Variants in ADAMTSL1 observed in about 807,000 individuals in gnomAD.
ADAMTSL1 encodes the protein ADAMTS like 1.
A neutral mutation model predicts 201.8 loss-of-function variants in ADAMTSL1; 126 were observed. The ratio of observed to expected loss-of-function variants is 0.62; its 90% CI spans 0.54 to 0.72. ADAMTSL1 has a LOEUF of 0.72. ADAMTSL1 is among the 30% of genes least tolerant of loss of function. The pLI, the probability that ADAMTSL1 is intolerant of heterozygous loss-of-function variation, is 0.00. For missense variants in ADAMTSL1, 2,679 were observed against 2,277.8 expected (o/e 1.18, Z -3.59); for synonymous variants, 1,121 against 903.4 (o/e 1.24, Z -4.32).
intron 1 of ADAMTSL1, among the ~76,000 whole-genome samples, chr9:18,047,301 C>G (rs988433138): frequency 1.3e-5 from 2 of 151,814 alleles, no homozygotes; most frequent in African/African-American, 4.8e-5. Flanking sequence ...ATTTTGCCAC[C>G]CCAGGGAACA....
intron 1 of ADAMTSL1, among the ~76,000 whole-genome samples, chr9:18,092,511 C>T (rs1356436219): frequency 1.3e-5 from 2 of 152,200 alleles, no homozygotes; most frequent in African/African-American, 2.4e-5. Context: ...GTCCATACCA[C>T]TATTTCTTTT....
chr9:18,177,832 G>A (rs553609269), intron 2 of ADAMTSL1, among the ~76,000 whole-genome samples: 8 of 152,278 alleles, frequency 5.3e-5, no homozygotes, highest in Admixed American at 2.6e-4. Flanking sequence ...GCTAGCTTAA[G>A]GAAGAAGGGA....
chr9:18,088,543 T>A (rs1823866026), intron 1 of ADAMTSL1, among the ~76,000 whole-genome samples: 1 of 152,122 alleles, frequency 6.6e-6, no homozygotes, highest in African/African-American at 2.4e-5. Context: ...AAAAGCCTAA[T>A]AACCCAATTA....
intron 2 of ADAMTSL1, among the ~76,000 whole-genome samples, chr9:18,383,817 T>C (rs536091449): frequency 3.5e-4 from 54 of 152,164 alleles, no homozygotes; most frequent in Non-Finnish European, 6.8e-4. Context: ...AATGTTACAT[T>C]CCTCTACTTT....
At chr9:18,582,434 C>T (rs1823158646) in intron 4 of ADAMTSL1, among the ~76,000 whole-genome samples, 1 of 152,166 alleles carries the variant, frequency 6.6e-6, no homozygotes, top group Non-Finnish European at 1.5e-5. Flanking sequence ...ACTGGAACTC[C>T]TGCAATTCCC....
At chr9:18,236,100 A>T (rs1830836986) in intron 2 of ADAMTSL1, among the ~76,000 whole-genome samples, 1 of 152,082 alleles carries the variant, frequency 6.6e-6, no homozygotes, top group Non-Finnish European at 1.5e-5. Context: ...CAGTACCCTC[A>T]CCCAAAATCT....
intron 3 of ADAMTSL1, among the ~76,000 whole-genome samples, chr9:18,552,542 C>T (rs1179176963): frequency 6.6e-6 from 1 of 151,700 alleles, no homozygotes; most frequent in Non-Finnish European, 1.5e-5. Context: ...GTGTAAATTT[C>T]TATATGAGTA....
chr9:18,813,513 A>T (rs1823642815), intron 20 of ADAMTSL1, among the ~76,000 whole-genome samples: 1 of 152,160 alleles, frequency 6.6e-6, no homozygotes. Flanking sequence ...TCAATGTTTT[A>T]TACTTTTCAG....
At chr9:18,151,799 T>A (rs890168826) in intron 1 of ADAMTSL1, among the ~76,000 whole-genome samples, 1 of 152,044 alleles carries the variant, frequency 6.6e-6, no homozygotes, top group African/African-American at 2.4e-5. Flanking sequence ...AATAATAATA[T>A]GCTGTGCTTT....
At chr9:18,658,060 C>T (rs1480371322) in intron 8 of ADAMTSL1, among the ~76,000 whole-genome samples, 4 of 151,698 alleles carry the variant, frequency 2.6e-5, no homozygotes, top group African/African-American at 9.7e-5. Context: ...CTGCAAGCTC[C>T]GCCTCCCGAG....
intron 20 of ADAMTSL1, among the ~76,000 whole-genome samples, chr9:18,815,031 G>A (rs1823745148): frequency 6.6e-6 from 1 of 152,102 alleles, no homozygotes; most frequent in South Asian, 2.1e-4. Flanking sequence ...CTATTAGAAT[G>A]GGTACTATCA....
At chr9:18,404,270 G>A (rs1383520571) in intron 2 of ADAMTSL1, among the ~76,000 whole-genome samples, 1 of 152,046 alleles carries the variant, frequency 6.6e-6, no homozygotes, top group African/African-American at 2.4e-5. Context: ...AATTTATTGG[G>A]CATGATTAAC....
intron 1 of ADAMTSL1, among the ~76,000 whole-genome samples, chr9:18,020,567 C>T (rs768200382): frequency 2.6e-5 from 4 of 152,038 alleles, no homozygotes; most frequent in Admixed American, 6.6e-5. Flanking sequence ...TCTTTAAAAC[C>T]ATCAGCTCTT....
chr9:18,006,103 G>A (rs1819811147), intron 1 of ADAMTSL1, among the ~76,000 whole-genome samples: 2 of 151,784 alleles, frequency 1.3e-5, no homozygotes, highest in Non-Finnish European at 2.9e-5. Flanking sequence ...AAAAAAGAAA[G>A]CTACCTTATA....
chr9:17,970,540 C>G (rs1281231471), intron 1 of ADAMTSL1, among the ~76,000 whole-genome samples: 1 of 151,978 alleles, frequency 6.6e-6, no homozygotes, highest in Non-Finnish European at 1.5e-5. Flanking sequence ...TTCAGTGACT[C>G]TGAGCTGTGG....
chr9:18,241,605 CAT>C (rs1293536337), intron 2 of ADAMTSL1, among the ~76,000 whole-genome samples: 1 of 151,522 alleles, frequency 6.6e-6, no homozygotes, highest in African/African-American at 2.4e-5. Flanking sequence ...TGTTATAAGA[CAT>C]ATATAAACAA....
intron 2 of ADAMTSL1, among the ~76,000 whole-genome samples, chr9:18,323,055 A>G (rs1170415612): frequency 2.0e-5 from 3 of 152,180 alleles, no homozygotes; most frequent in Non-Finnish European, 4.4e-5. Context: ...TGTGACCCTG[A>G]TACAAAATCT....
At chr9:18,229,940 A>T (rs978270441) in intron 2 of ADAMTSL1, among the ~76,000 whole-genome samples, 1 of 152,060 alleles carries the variant, frequency 6.6e-6, no homozygotes, top group Non-Finnish European at 1.5e-5. Context: ...CAAGCGATCC[A>T]CTTGCCTCAG....
intron 2 of ADAMTSL1, among the ~76,000 whole-genome samples, chr9:18,445,649 C>T (rs984423055): frequency 1.3e-5 from 2 of 152,118 alleles, no homozygotes; most frequent in African/African-American, 4.8e-5. Context: ...AACCAAGACT[C>T]ATATACAAAA....
Sources: gnomAD v4.1 joint callset for allele counts (sites outside exome capture counted in the v4.1 genomes callset) on GRCh38, gnomAD v4.1.1 for gene constraint, MANE v1.5 for transcripts, NCBI Gene and HGNC (gene_info 2026-07-23, HGNC 2026-07-21) for gene names.